The following TFEC variants were observed in gnomAD, a reference collection of about 807,000 sequenced individuals.
The protein encoded by TFEC is transcription factor EC, also known as class E basic helix-loop-helix protein 34.
In TFEC, 31 loss-of-function variants were observed where a neutral mutation model predicts 41.6. That is an observed-to-expected ratio of 0.74 (90% CI 0.56 to 1.01). The LOEUF is 1.01. Ranked by LOEUF, TFEC falls within the 50% of genes least tolerant of loss-of-function variation. The pLI is 0.00. For synonymous variants in TFEC, 143 were observed against 140.6 expected (o/e 1.02, Z -0.12); for missense variants, 402 against 404.1 (o/e 0.99, Z 0.04).
intron 3 of TFEC, among the ~76,000 whole-genome samples, chr7:116,060,905 T>A (rs540760007): frequency 2.5e-4 from 38 of 152,096 alleles, no homozygotes; most frequent in African/African-American, 8.7e-4. Context: ...AGAATAAGTG[T>A]GACAAAATAT....
chr7:116,001,473 C>A (rs562817829), intron 1 of TFEC, among the ~76,000 whole-genome samples: 2 of 149,738 alleles, frequency 1.3e-5, no homozygotes, highest in African/African-American at 2.5e-5. Context: ...CCAGCCTGGG[C>A]GACAGAGCGA....
intron 3 of TFEC, among the ~76,000 whole-genome samples, chr7:116,084,472 G>T (rs1262066782): frequency 6.6e-6 from 1 of 151,754 alleles, no homozygotes. Context: ...GTCCGAGCTC[G>T]TTCTAATAAA....
intron 1 of TFEC, among the ~76,000 whole-genome samples, chr7:115,990,013 C>G (rs1437469038): frequency 1.3e-5 from 2 of 152,128 alleles, no homozygotes; most frequent in Non-Finnish European, 2.9e-5. Context: ...GCCAGGTGCC[C>G]CTCTGAGATA....
chr7:116,115,037 T>C (rs1322757195), intron 1 of TFEC, among the ~76,000 whole-genome samples: 1 of 151,972 alleles, frequency 6.6e-6, no homozygotes, highest in East Asian at 1.9e-4. Context: ...CTAATGTCAG[T>C]AGTGTGGTCC....
intron 3 of TFEC, among the ~76,000 whole-genome samples, chr7:116,056,647 T>C (rs1354089936): frequency 6.6e-6 from 1 of 152,096 alleles, no homozygotes; most frequent in African/African-American, 2.4e-5. Context: ...TCTGGTCCTA[T>C]CTAGAAGAAA....
At chr7:116,088,370 C>T (rs900219057) in intron 3 of TFEC, among the ~76,000 whole-genome samples, 1 of 152,118 alleles carries the variant, frequency 6.6e-6, no homozygotes, top group Non-Finnish European at 1.5e-5. Context: ...ATCACTGACA[C>T]GTCTCTAAAA....
upstream of TFEC, among the ~76,000 whole-genome samples, chr7:116,031,814 T>C (rs909870342): frequency 1.3e-5 from 2 of 152,162 alleles, no homozygotes; most frequent in Admixed American, 1.3e-4. Flanking sequence ...TAGCACATTT[T>C]TGAGTCACCT....
At chr7:116,030,368 T>A (rs776306742) in intron 1 of TFEC, among the ~76,000 whole-genome samples, 2 of 152,072 alleles carry the variant, frequency 1.3e-5, no homozygotes. Context: ...ACTTGAAAAA[T>A]AAATAACTTT....
At chr7:116,150,072 G>C (rs567016725) in intron 1 of TFEC, among the ~76,000 whole-genome samples, 1 of 152,244 alleles carries the variant, frequency 6.6e-6, no homozygotes, top group South Asian at 2.1e-4. Context: ...GTTTGTTTCT[G>C]TTGGCTTTTA....
At chr7:116,158,602 G>T (rs187652994) in intron 1 of TFEC, among the ~76,000 whole-genome samples, 1 of 152,072 alleles carries the variant, frequency 6.6e-6, no homozygotes, top group Admixed American at 6.6e-5. Context: ...GAAAATCAAT[G>T]ATATCCAAAG....
At position 115,941,928 on chromosome 7, in the gene TFEC, C is replaced by T. The variant is rs1793525990; in HGVS notation, c.628G>A (p.Glu210Lys). ...AGTAGAAGTCGCCTGTTAGCCTGCTCTAATTTCTTCTGTCTGTGTTCCAAT... is the reference window on the plus strand; with the variant it reads ...AGTAGAAGTCGCCTGTTAGCCTGCTTTAATTTCTTCTGTCTGTGTTCCAAT... ...RELEHRQKKL[E>K]QANRRLLLRI... Residue 210 changes from glutamate (E) to lysine (K), a missense_variant, in exon 7 of 8, where the codon GAG becomes AAG. Physicochemically the swap from Glu to Lys is moderately conservative, Grantham distance 56 (BLOSUM62 1). Coordinates refer to ENST00000265440, the MANE Select transcript of TFEC (RefSeq NM_012252.4). 1.2e-6 allele frequency: 2 copies of T among 1,613,196 alleles called. No homozygotes were observed. The highest frequency in any genetic ancestry group is 1.1e-5 in the South Asian group (1 of 91,044).
At chr7:116,119,441 T>G (rs1299750593) in intron 1 of TFEC, among the ~76,000 whole-genome samples, 4 of 151,694 alleles carry the variant, frequency 2.6e-5, no homozygotes. Context: ...AGAAAATCTC[T>G]GAGAAACAAC....
At chr7:115,942,672 TA>T (rs1344031370) in intron 6 of TFEC, among the ~76,000 whole-genome samples, 1 of 152,022 alleles carries the variant, frequency 6.6e-6, no homozygotes, top group Non-Finnish European at 1.5e-5. Flanking sequence ...TAGCTATTTT[TA>T]AATACATTTA....
At chr7:116,157,738 C>G (rs981445470) in intron 1 of TFEC, among the ~76,000 whole-genome samples, 1 of 152,108 alleles carries the variant, frequency 6.6e-6, no homozygotes, top group African/African-American at 2.4e-5. Context: ...TAAAGCCTTC[C>G]CTAGGCATCC....
chr7:116,132,359 G>T (rs1798350184), intron 1 of TFEC, among the ~76,000 whole-genome samples: 1 of 152,106 alleles, frequency 6.6e-6, no homozygotes, highest in Non-Finnish European at 1.5e-5. Context: ...CTGGCATCAG[G>T]TAAAGTAGTT....
intron 1 of TFEC, among the ~76,000 whole-genome samples, chr7:115,993,631 C>G (rs1794224476): frequency 6.6e-6 from 1 of 152,106 alleles, no homozygotes; most frequent in South Asian, 2.1e-4. Flanking sequence ...AATAAAATAC[C>G]TAGGAATCCA....
chr7:115,956,613 A>G (rs1270220286), intron 4 of TFEC, 66 bp downstream of exon 4: 9 of 1,075,136 alleles, frequency 8.4e-6, no homozygotes, highest in African/African-American at 3.3e-5. Flanking sequence ...TTAGCACAAT[A>G]TATGTCACTC....
At chr7:116,110,954 C>G (rs1035696772) in intron 2 of TFEC, 1 of 1,252,644 alleles carries the variant, frequency 8.0e-7, no homozygotes, top group African/African-American at 1.5e-5. Flanking sequence ...AAAAAAGGAG[C>G]ACTGTAAAAC....
intron 3 of TFEC, among the ~76,000 whole-genome samples, chr7:116,075,405 C>T (rs547401442): frequency 6.6e-6 from 1 of 152,260 alleles, no homozygotes; most frequent in South Asian, 2.1e-4. Context: ...AACTGGATTG[C>T]TGCTGCAGGC....
Sources: allele counts gnomAD v4.1 joint callset (sites outside exome capture counted in the v4.1 genomes callset), GRCh38; gene constraint gnomAD v4.1.1; transcripts MANE v1.5; gene names NCBI Gene and HGNC (gene_info 2026-07-23, HGNC 2026-07-21).